Variants in SEPTIN7 observed in about 807,000 individuals in gnomAD.
SEPTIN7 encodes the protein septin-7.
In SEPTIN7, 10 loss-of-function variants were observed where a neutral mutation model predicts 63.3. The ratio of observed to expected loss-of-function variants is 0.16; its 90% CI spans 0.10 to 0.27. The LOEUF is 0.27. SEPTIN7 is among the 10% of genes least tolerant of loss of function. SEPTIN7 has a pLI of 1.00. For missense variants in SEPTIN7, 310 were observed against 521.0 expected (o/e 0.59, Z 3.94); for synonymous variants, 131 against 165.3 (o/e 0.79, Z 1.59).
chr7:35,880,684 C>A (rs1294234985), intron 7 of SEPTIN7, among the ~76,000 whole-genome samples: 2 of 151,726 alleles, frequency 1.3e-5, no homozygotes, highest in African/African-American at 4.8e-5. Context: ...GTTTTCAGTG[C>A]ACTAATTTTG....
chr7:35,832,128 A>G (rs766561564), intron 2 of SEPTIN7: 8 of 454,098 alleles, frequency 1.8e-5, no homozygotes, highest in South Asian at 3.1e-5. Flanking sequence ...TCTAGGAATA[A>G]AAAACCAATA....
At chr7:35,850,483 A>T (rs1255861279) in intron 3 of SEPTIN7, among the ~76,000 whole-genome samples, 1 of 152,180 alleles carries the variant, frequency 6.6e-6, no homozygotes, top group Non-Finnish European at 1.5e-5. Flanking sequence ...AAACATTCTG[A>T]AAGGACTTAA....
chr7:35,895,485 C>A (rs1220815828), intron 11 of SEPTIN7, among the ~76,000 whole-genome samples: 1 of 152,154 alleles, frequency 6.6e-6, no homozygotes. Flanking sequence ...TTGCAAATTT[C>A]TTTTAGAAAC....
chr7:35,851,789 GTAAT>G (rs1051591242), intron 3 of SEPTIN7, among the ~76,000 whole-genome samples: 20 of 152,158 alleles, frequency 1.3e-4, no homozygotes, highest in African/African-American at 4.6e-4. Context: ...ATTTTGTCTT[GTAAT>G]TATAGGCCAC....
chr7:35,911,661 T>C (rs1788743685), downstream of SEPTIN7, among the ~76,000 whole-genome samples: 2 of 152,206 alleles, frequency 1.3e-5, no homozygotes, highest in Admixed American at 6.5e-5. Context: ...CAAGAGTTCC[T>C]ATTATCTGGA....
intron 3 of SEPTIN7, among the ~76,000 whole-genome samples, chr7:35,861,664 C>A (rs913377002): frequency 6.6e-6 from 1 of 152,214 alleles, no homozygotes; most frequent in Non-Finnish European, 1.5e-5. Context: ...CCCCAAACAT[C>A]TATTGTGTCC....
the SEPTIN7 span, among the ~76,000 whole-genome samples, chr7:35,915,098 T>C: frequency 5.0e-5 from 7 of 139,526 alleles, no homozygotes; most frequent in Non-Finnish European, 1.6e-5. Context: ...TATATGCGTA[T>C]GTACACAGGT....
Position 35,877,566 on chromosome 7 carries a change from A to C in SEPTIN7, c.513-2257A>C, listed in dbSNP as rs547818564. ...ATTTCATTTTTCTCATGTTTTTATA[A>C]AAGTTAAAGAATACCACTTTAGAAT... On this transcript the variant is annotated intron_variant, in intron 6 of 13. Coordinates refer to ENST00000350320, the MANE Select transcript of SEPTIN7 (RefSeq NM_001788.6). Among the ~76,000 whole-genome samples, 14 of 152,346 alleles carry C rather than the reference A, an allele frequency of 9.2e-5. No individual in the cohort carries two copies. In the South Asian group the frequency reaches 2.7e-3, roughly 29 times the overall value.
intron 10 of SEPTIN7, among the ~76,000 whole-genome samples, chr7:35,886,289 A>T (rs1787241733): frequency 6.6e-6 from 1 of 152,196 alleles, no homozygotes; most frequent in African/African-American, 2.4e-5. Flanking sequence ...AGTAGGGCAC[A>T]TTTTATGTAC....
At chr7:35,833,313 A>T (rs538474098) in intron 3 of SEPTIN7, among the ~76,000 whole-genome samples, 1 of 152,130 alleles carries the variant, frequency 6.6e-6, no homozygotes, top group African/African-American at 2.4e-5. Flanking sequence ...AGGATAGAGG[A>T]TCATAATAAT....
At chr7:35,885,686 A>G (rs1167057480) in intron 9 of SEPTIN7, 142 bp from the exon 10 acceptor site, 8 of 683,558 alleles carry the variant, frequency 1.2e-5, no homozygotes, top group Middle Eastern at 2.4e-4. Context: ...TGAGTGTACT[A>G]TGTTAGTGTT....
intron 11 of SEPTIN7, 33 bp from the exon 12 acceptor site, chr7:35,898,215 A>G: frequency 6.9e-7 from 1 of 1,451,424 alleles, no homozygotes; most frequent in Non-Finnish European, 9.2e-7. Context: ...TTATTCACAG[A>G]CATTTAATGA....
intron 1 of SEPTIN7, among the ~76,000 whole-genome samples, chr7:35,808,299 G>T (rs1162597311): frequency 6.6e-6 from 1 of 152,060 alleles, no homozygotes; most frequent in African/African-American, 2.4e-5. Context: ...GGTGTTTTTT[G>T]CATATGGAAG....
At chr7:35,885,273 T>C (rs752036577) in intron 9 of SEPTIN7, among the ~76,000 whole-genome samples, 33 of 152,330 alleles carry the variant, frequency 2.2e-4, no homozygotes, top group Admixed American at 3.9e-4. Context: ...CAGGCAACTT[T>C]TACTTGCTGA....
intron 11 of SEPTIN7, among the ~76,000 whole-genome samples, chr7:35,894,313 C>G (rs1787833039): frequency 6.6e-6 from 1 of 152,064 alleles, no homozygotes; most frequent in Non-Finnish European, 1.5e-5. Context: ...CCTTGTCTCT[C>G]TTTCCCTTAT....
rs1441658897 is a variant in SEPTIN7, at chr7:35,905,255, A to G, written c.*962A>G. The G allele has an allele frequency of 1.3e-5, 2 of 152,570 alleles. No homozygotes were observed. The highest frequency in any genetic ancestry group is 2.9e-5 in the Non-Finnish European group (2 of 68,022). The allele number at this position is 152,570 out of a possible 1,614,324, so 9.5% of individuals were successfully genotyped here. A position where few individuals can be genotyped will look rare whatever the true frequency, so the allele number is the denominator to read the frequency against. ...CTGTATTCATATATTGCATTTCTGT[A>G]TTTTTTGTTTGTATTGTAAAAAATT... On this transcript the variant is annotated 3_prime_UTR_variant, in exon 14 of 14. Coordinates refer to ENST00000350320, the MANE Select transcript of SEPTIN7 (RefSeq NM_001788.6).
rs931296508 is a variant in SEPTIN7, at chr7:35,879,913, A to G, written c.603A>G (p.Pro201=). ...TTGCCAAAGCAGACACACTCACACC[A>G]GAGGAATGCCAACAGTTTAAAAAAC... is the stretch of plus-strand genomic sequence containing the variant. ...PLIAKADTLT[P]EECQQFKKQI... The change falls in exon 7 of 14, where the codon CCA becomes CCG. Residue 201 remains proline (P), a synonymous_variant. Transcript: ENST00000350320. 9.4e-6 allele frequency: 15 copies of G among 1,594,832 alleles called. No homozygotes were observed. Among genetic ancestry groups the G allele is most frequent in the Middle Eastern group, 1.8e-4 (1 of 5,678 alleles).
At chr7:35,808,110 C>G (rs1316513309) in intron 1 of SEPTIN7, among the ~76,000 whole-genome samples, 2 of 152,134 alleles carry the variant, frequency 1.3e-5, no homozygotes, top group African/African-American at 4.8e-5. Flanking sequence ...AGCCACCGCA[C>G]CCAGCCTGGT....
intron 1 of SEPTIN7, among the ~76,000 whole-genome samples, chr7:35,829,128 CTTTTTTTT>C (rs71553032): frequency 1.6e-4 from 10 of 61,070 alleles, no homozygotes; most frequent in Admixed American, 2.3e-4. Context: ...CATGGACCTT[CTTTTTTTT>C]TTTTTTTTTT....
Sources: allele counts gnomAD v4.1 joint callset (sites outside exome capture counted in the v4.1 genomes callset), GRCh38; gene constraint gnomAD v4.1.1; transcripts MANE v1.5; gene names NCBI Gene and HGNC (gene_info 2026-07-23, HGNC 2026-07-21).